CEP135: variants seen among roughly 807,000 people sequenced by gnomAD.
CEP135 encodes the protein centrosomal protein of 135 kDa.
Under a neutral mutation model 157.3 loss-of-function variants are expected in CEP135, and 142 were observed. The ratio of observed to expected loss-of-function variants is 0.90; its 90% confidence interval spans 0.79 to 1.04. The LOEUF is 1.04. CEP135 is among the 50% of genes least tolerant of loss of function. CEP135 has a pLI of 0.00. For missense variants in CEP135, 1,317 were observed against 1,309.2 expected (o/e 1.01, Z -0.09); for synonymous variants, 396 against 439.8 (o/e 0.90, Z 1.25).
intron 25 of CEP135, among the ~76,000 whole-genome samples, chr4:56,026,873 T>C (rs1577919198): frequency 6.6e-6 from 1 of 152,166 alleles, no homozygotes; most frequent in South Asian, 2.1e-4. Flanking sequence ...TTGACAGAAA[T>C]AGTTATGCCA....
intron 17 of CEP135, among the ~76,000 whole-genome samples, chr4:56,005,870 T>A (rs756941937): frequency 2.6e-5 from 4 of 152,216 alleles, no homozygotes; most frequent in African/African-American, 4.8e-5. Flanking sequence ...GACATATTCT[T>A]GTATGGCAGT....
At chr4:56,019,779 T>C (rs1197958391) in intron 23 of CEP135, among the ~76,000 whole-genome samples, 1 of 146,316 alleles carries the variant, frequency 6.8e-6, no homozygotes, top group African/African-American at 2.5e-5. Flanking sequence ...ATACTAAAAA[T>C]ACAAAAAAAA....
In CEP135 at chr4:55,949,071, T is replaced by A. The variant is rs1204880396; in HGVS notation, c.-46+12T>A. On this transcript the variant is annotated intron_variant, in intron 1 of 25. Coordinates refer to ENST00000257287, the MANE Select transcript of CEP135 (RefSeq NM_025009.5). ...GGCTGGAGCTGCCGGTGAGTCCGGA[T>A]GTGGGAGCCAGAGGGCCAGCTGCGG... 1 of 153,464 alleles carries A rather than the reference T, an allele frequency of 6.5e-6. No individual in the cohort carries two copies. Among genetic ancestry groups the A allele is most frequent in the Non-Finnish European group, 1.4e-5 (1 of 69,090 alleles). The allele number at this position is 153,464 out of a possible 1,614,324, so 9.5% of individuals were successfully genotyped here. A position where few individuals can be genotyped will look rare whatever the true frequency, so the allele number is the denominator to read the frequency against.
At chr4:56,005,318 A>G (rs1730317024) in intron 17 of CEP135, among the ~76,000 whole-genome samples, 2 of 152,132 alleles carry the variant, frequency 1.3e-5, no homozygotes, top group South Asian at 4.1e-4. Flanking sequence ...CCAGATATTC[A>G]GGAGCCTGAG....
intron 9 of CEP135, 130 bp downstream of exon 9, chr4:55,969,258 C>G (rs1319433590): frequency 1.6e-6 from 1 of 637,998 alleles, no homozygotes; most frequent in African/African-American, 1.9e-5. Flanking sequence ...GAAACCCCGT[C>G]TCTACTAAAA....
intron 11 of CEP135, among the ~76,000 whole-genome samples, chr4:55,979,736 A>T (rs1729337282): frequency 6.6e-6 from 1 of 152,176 alleles, no homozygotes; most frequent in Non-Finnish European, 1.5e-5. Flanking sequence ...CCCTACCCGG[A>T]AGTTTCTTGA....
At chr4:56,003,292 G>A (rs926589498) in intron 17 of CEP135, among the ~76,000 whole-genome samples, 11 of 151,872 alleles carry the variant, frequency 7.2e-5, no homozygotes, top group African/African-American at 2.4e-4. Context: ...GGTTCATGCC[G>A]CCTCCCGGGT....
At chr4:56,028,213 GT>G (rs1373710002) in intron 25 of CEP135, among the ~76,000 whole-genome samples, 1 of 152,140 alleles carries the variant, frequency 6.6e-6, no homozygotes, top group African/African-American at 2.4e-5. Context: ...TTTAGTCCTT[GT>G]TTTCAAATCT....
intron 17 of CEP135, among the ~76,000 whole-genome samples, chr4:56,000,432 G>T (rs1730127710): frequency 6.6e-6 from 1 of 152,078 alleles, no homozygotes; most frequent in Non-Finnish European, 1.5e-5. Context: ...TCGAACACCA[G>T]GTCTTATTTC....
intron 3 of CEP135, 127 bp from the exon 4 acceptor site, chr4:55,954,089 C>T: frequency 1.4e-6 from 1 of 738,990 alleles, no homozygotes; most frequent in African/African-American, 1.8e-5. Context: ...TAAGTGTCAA[C>T]TAAAGCATGC....
At chr4:55,960,060 G>T in intron 6 of CEP135, 3 of 499,196 alleles carry the variant, frequency 6.0e-6, no homozygotes, top group South Asian at 3.6e-5. Context: ...TTATTTACTC[G>T]ATTCTCTTCA....
At chr4:55,978,689 T>G (rs567261344) in intron 11 of CEP135, among the ~76,000 whole-genome samples, 2 of 152,342 alleles carry the variant, frequency 1.3e-5, no homozygotes, top group Admixed American at 1.3e-4. Flanking sequence ...TAGCTAGGAC[T>G]ACAAGTGTGC....
chr4:55,953,009 CT>C, intron 2 of CEP135, 75 bp from the exon 3 acceptor site: 3 of 1,266,648 alleles, frequency 2.4e-6, no homozygotes, highest in Non-Finnish European at 3.2e-6. Context: ...TATTTTAAGC[CT>C]CTTTAGAAAT....
rs367860414 is a variant in CEP135 at position 55,993,992 on chromosome 4, G to C, written c.2009+1907G>C. 7.2e-5 allele frequency among the ~76,000 whole-genome samples: 11 copies of C among 152,198 alleles called. 2 individuals carry two copies. The highest frequency in any genetic ancestry group is 2.6e-4 in the African/African-American group (11 of 41,546). Reference sequence around the variant, plus strand: ...TTTATAACTTTATTTTGCTCTAACAGAAAAATATGACTTATCTTGTCTCTT... The same window carrying C: ...TTTATAACTTTATTTTGCTCTAACACAAAAATATGACTTATCTTGTCTCTT... On this transcript the variant is annotated intron_variant, in intron 15 of 25. Transcript: ENST00000257287.
rs1730900501 is a variant in CEP135 at position 56,019,539 on chromosome 4, C to T, written c.3199C>T (p.Leu1067Phe). The change falls in exon 23 of 26, where the codon CTT becomes TTT. Residue 1067 changes from leucine to phenylalanine, a missense_variant. Leu to Phe is a conservative substitution (Grantham distance 22). Transcript: ENST00000257287. ...CCAGCTACTTAAGGAGAAGTTAACC[C>T]TTTCTGAAAGCAAATTGTAAGTGTC... ...EIQLLKEKLT[L>F]SESKLTSQSR... is the part of the protein sequence containing the mutation. 1.2e-6 allele frequency: 2 copies of T among 1,609,822 alleles called. No homozygotes were observed. The highest frequency in any genetic ancestry group is 2.7e-5 in the African/African-American group (2 of 74,718).
intron 21 of CEP135, among the ~76,000 whole-genome samples, chr4:56,012,305 C>T (rs1005016220): frequency 6.6e-6 from 1 of 152,182 alleles, no homozygotes; most frequent in Admixed American, 6.5e-5. Context: ...ATCCACCTGC[C>T]TCAGCCTCCC....
At chr4:55,981,477 C>A in intron 13 of CEP135, 98 bp downstream of exon 13, 1 of 1,065,300 alleles carries the variant, frequency 9.4e-7, no homozygotes, top group Non-Finnish European at 1.3e-6. Flanking sequence ...CAAATCCAGA[C>A]CACTTTGTTT....
chr4:55,959,110 C>T (rs1728598960), intron 5 of CEP135, among the ~76,000 whole-genome samples: 1 of 152,056 alleles, frequency 6.6e-6, no homozygotes, highest in African/African-American at 2.4e-5. Flanking sequence ...GCAGACCTGG[C>T]TTCAGGCTTT....
chr4:55,974,917 C>T lies in CEP135; in HGVS notation c.1421C>T (p.Ser474Phe). The change falls in exon 11 of 26, where the codon TCT becomes TTT. Residue 474 changes from serine to phenylalanine, a missense_variant. Physicochemically the swap from Ser to Phe is radical, Grantham distance 155. Transcript: ENST00000257287. ...LQHIIQRRSC[S>F]TSYSAREKSS... Reference sequence around the variant, plus strand: ...CATATAATACAGCGAAGATCTTGCTCTACAAGTTATAGCGCACGTGAAAAA... The same window carrying T: ...CATATAATACAGCGAAGATCTTGCTTTACAAGTTATAGCGCACGTGAAAAA... The T allele has an allele frequency of 1.9e-6, 3 of 1,612,532 alleles. No homozygotes were observed. In the South Asian group the frequency reaches 3.3e-5, roughly 18 times the overall value.
Sources: allele counts gnomAD v4.1 joint callset (sites outside exome capture counted in the v4.1 genomes callset), GRCh38; gene constraint gnomAD v4.1.1; transcripts MANE v1.5; gene names NCBI Gene and HGNC (gene_info 2026-07-23, HGNC 2026-07-21).